PRORP: variants seen among roughly 807,000 people sequenced by gnomAD.
The protein encoded by PRORP is mitochondrial ribonuclease P catalytic subunit.
PRORP carries 51 observed loss-of-function variants against 59.4 expected under a neutral mutation model. The ratio of observed to expected loss-of-function variants is 0.86; its 90% CI spans 0.69 to 1.08. The LOEUF is 1.08. PRORP is among the 50% of genes least tolerant of loss of function. The pLI is 0.00. For missense variants in PRORP, 646 were observed against 690.3 expected, an observed-to-expected ratio of 0.94 and a Z score of 0.72; for synonymous variants, 231 against 245.6, an observed-to-expected ratio of 0.94 and a Z score of 0.55.
chr14:35,175,751 C>T (rs933441077), intron 4 of PRORP, among the ~76,000 whole-genome samples: 1 of 151,998 alleles, frequency 6.6e-6, no homozygotes, highest in Admixed American at 6.6e-5. Context: ...TTAATTAGAT[C>T]CCATTTGTCA....
chr14:35,261,854 G>C (rs2050913571), intron 5 of PRORP, among the ~76,000 whole-genome samples: 1 of 152,160 alleles, frequency 6.6e-6, no homozygotes, highest in African/African-American at 2.4e-5. Flanking sequence ...TTTCAGGCCA[G>C]GGCTTTTATG....
intron 7 of PRORP, among the ~76,000 whole-genome samples, 181 bp from the exon 8 acceptor site, chr14:35,273,254 G>A (rs779224624): frequency 1.1e-4 from 17 of 152,120 alleles, no homozygotes; most frequent in Non-Finnish European, 1.8e-4. Context: ...TCAAAAAAAG[G>A]AACTCCTAAT....
chr14:35,208,105 G>A (rs542971613), intron 5 of PRORP, among the ~76,000 whole-genome samples: 2 of 151,578 alleles, frequency 1.3e-5, no homozygotes, highest in Non-Finnish European at 1.5e-5. Flanking sequence ...AGCCGAGATC[G>A]TGCTACTGCA....
At chr14:35,153,232 A>AG in intron 4 of PRORP, among the ~76,000 whole-genome samples, 1 of 152,242 alleles carries the variant, frequency 6.6e-6, no homozygotes, top group Non-Finnish European at 1.5e-5. Context: ...CACCAAAAAA[A>AG]TACAAAAACC....
At chr14:35,154,629 A>G (rs1212125048) in intron 4 of PRORP, among the ~76,000 whole-genome samples, 1 of 152,126 alleles carries the variant, frequency 6.6e-6, no homozygotes, top group African/African-American at 2.4e-5. Context: ...TTACACCTCA[A>G]GGGTACAATT....
chr14:35,133,133 G>A (rs2047292184), intron 4 of PRORP, among the ~76,000 whole-genome samples: 1 of 152,050 alleles, frequency 6.6e-6, no homozygotes, highest in Admixed American at 6.6e-5. Context: ...TGTTGGCCAG[G>A]CTGGTCTCGA....
chr14:35,204,040 A>G (rs1391497825), intron 5 of PRORP, among the ~76,000 whole-genome samples: 3 of 152,180 alleles, frequency 2.0e-5, no homozygotes, highest in African/African-American at 7.2e-5. Flanking sequence ...TGAGCTTTGT[A>G]TTTCACATAT....
chr14:35,221,537 T>C (rs527900912), intron 5 of PRORP, among the ~76,000 whole-genome samples: 58 of 152,310 alleles, frequency 3.8e-4, no homozygotes, highest in African/African-American at 1.4e-3. Context: ...CTCCTTTAAA[T>C]TGTGTGCCAA....
rs2051257072 is a variant in PRORP at position 35,273,815 on chromosome 14, A to G, written c.*249A>G. On this transcript the variant is annotated 3_prime_UTR_variant, in exon 8 of 8. Transcript: ENST00000534898. ...GAACTTAGTGTAGAGCAAAACCTGC[A>G]TTTCTCCTACTGGGCCAGCTATTCC... is the stretch of plus-strand genomic sequence containing the variant. 7.5e-6 allele frequency: 2 copies of G among 266,596 alleles called. No homozygotes were observed. Among genetic ancestry groups the G allele is most frequent in the Non-Finnish European group, 1.4e-5 (2 of 142,266 alleles). The allele number at this position is 266,596 out of a possible 1,614,324, so 16.5% of individuals were successfully genotyped here.
intron 5 of PRORP, among the ~76,000 whole-genome samples, chr14:35,211,946 C>T (rs1179366682): frequency 6.6e-6 from 1 of 152,208 alleles, no homozygotes; most frequent in African/African-American, 2.4e-5. Flanking sequence ...AGTCAATCCT[C>T]TTAAACCCTT....
At chr14:35,136,859 G>A (rs1161823147) in intron 4 of PRORP, among the ~76,000 whole-genome samples, 1 of 145,482 alleles carries the variant, frequency 6.9e-6, no homozygotes, top group Non-Finnish European at 1.5e-5. Context: ...GTGGGGGTGG[G>A]ATGGGGAACA....
At chr14:35,152,132 C>T (rs1222520736) in intron 4 of PRORP, among the ~76,000 whole-genome samples, 1 of 152,094 alleles carries the variant, frequency 6.6e-6, no homozygotes, top group Non-Finnish European at 1.5e-5. Context: ...GTGGTGATGA[C>T]TCTCAACGAG....
Position 35,276,742 on chromosome 14 carries a change from A to T in PRORP, c.*3176A>T, listed in dbSNP as rs961994979. ...GTATCTTTAAAATCAGTTGTGAACAATGAAGGATTTGAAAGAGCATTGACT... is the reference window on the plus strand; with the variant it reads ...GTATCTTTAAAATCAGTTGTGAACATTGAAGGATTTGAAAGAGCATTGACT... On this transcript the variant is annotated 3_prime_UTR_variant, in exon 8 of 8. Transcript: ENST00000534898. The T allele has an allele frequency of 1.3e-5, 2 of 152,198 alleles. No individual in the cohort carries two copies. The highest frequency in any genetic ancestry group is 4.8e-5 in the African/African-American group (2 of 41,448). The allele number at this position is 152,198 out of a possible 1,614,324, so 9.4% of individuals were successfully genotyped here.
At chr14:35,163,106 C>T (rs2048101971) in intron 4 of PRORP, among the ~76,000 whole-genome samples, 1 of 151,942 alleles carries the variant, frequency 6.6e-6, no homozygotes, top group Admixed American at 6.6e-5. Flanking sequence ...AATAAACTTA[C>T]CAGAGGTAAA....
intron 4 of PRORP, among the ~76,000 whole-genome samples, chr14:35,166,505 A>G (rs2048188858): frequency 7.2e-6 from 1 of 139,176 alleles, no homozygotes; most frequent in Admixed American, 7.9e-5. Context: ...GCTGGAGTGC[A>G]GTGGTGTAAT....
intron 5 of PRORP, among the ~76,000 whole-genome samples, chr14:35,197,852 C>A (rs1045129299): frequency 1.3e-5 from 2 of 152,000 alleles, no homozygotes; most frequent in African/African-American, 4.8e-5. Flanking sequence ...GGAAAATAAG[C>A]TTAGGGAAAT....
At chr14:35,205,484 C>G (rs2049268897) in intron 5 of PRORP, among the ~76,000 whole-genome samples, 1 of 152,166 alleles carries the variant, frequency 6.6e-6, no homozygotes, top group Admixed American at 6.5e-5. Flanking sequence ...GGCACCATGC[C>G]TGGCCTACAG....
At chr14:35,226,059 C>A (rs2049926497) in intron 5 of PRORP, among the ~76,000 whole-genome samples, 2 of 152,110 alleles carry the variant, frequency 1.3e-5, no homozygotes, top group Non-Finnish European at 2.9e-5. Context: ...GTATATTTTA[C>A]TATAGTTGGT....
At chr14:35,176,456 C>T (rs2048452602) in intron 4 of PRORP, among the ~76,000 whole-genome samples, 1 of 152,164 alleles carries the variant, frequency 6.6e-6, no homozygotes, top group Non-Finnish European at 1.5e-5. Flanking sequence ...AGGTCCTTCA[C>T]ATCCCTTGTA....
Sources: gnomAD v4.1 joint callset for allele counts (sites outside exome capture counted in the v4.1 genomes callset) on GRCh38, gnomAD v4.1.1 for gene constraint, MANE v1.5 for transcripts, NCBI Gene and HGNC (gene_info 2026-07-23, HGNC 2026-07-21) for gene names.